Variants in ASIC2 observed in about 807,000 individuals in gnomAD.
The protein encoded by ASIC2 is acid-sensing ion channel 2.
Under a neutral mutation model 57.3 loss-of-function variants are expected in ASIC2, and 25 were observed. That is an observed-to-expected ratio of 0.44 (90% CI 0.32 to 0.61). The LOEUF is 0.61. ASIC2 is among the 20% of genes least tolerant of loss of function. The probability of loss-of-function intolerance (pLI) is 0.06; values close to 1 mark genes in which losing one functional copy is unlikely to be tolerated. For synonymous variants in ASIC2, 319 were observed against 307.5 expected (o/e 1.04, Z -0.39); for missense variants, 641 against 738.1 (o/e 0.87, Z 1.52).
At chr17:33,149,441 C>T (rs1254318801) in intron 1 of ASIC2, among the ~76,000 whole-genome samples, 2 of 152,142 alleles carry the variant, frequency 1.3e-5, no homozygotes, top group Non-Finnish European at 2.9e-5. Context: ...AATTTATGTA[C>T]TCATTACATA....
chr17:33,866,372 C>G (rs1433987726), intron 1 of ASIC2, among the ~76,000 whole-genome samples: 1 of 152,068 alleles, frequency 6.6e-6, no homozygotes, highest in Non-Finnish European at 1.5e-5. Flanking sequence ...GAATTATATT[C>G]CATTGTATGG....
chr17:34,090,755 G>C (rs1021446453), intron 1 of ASIC2, among the ~76,000 whole-genome samples: 4 of 152,122 alleles, frequency 2.6e-5, no homozygotes, highest in African/African-American at 9.7e-5. Flanking sequence ...TTCTGGGCTG[G>C]GACCCCAAAA....
At chr17:33,626,251 A>G (rs1905979748) in intron 1 of ASIC2, among the ~76,000 whole-genome samples, 1 of 152,222 alleles carries the variant, frequency 6.6e-6, no homozygotes, top group Admixed American at 6.5e-5. Context: ...GTATGGAAAA[A>G]AAAGGACTAG....
intron 1 of ASIC2, among the ~76,000 whole-genome samples, chr17:33,318,389 G>C (rs1233242018): frequency 6.6e-6 from 1 of 152,190 alleles, no homozygotes; most frequent in Admixed American, 6.5e-5. Flanking sequence ...CTGCAGAGCT[G>C]TGATGAGGAT....
intron 1 of ASIC2, among the ~76,000 whole-genome samples, chr17:33,666,327 C>T (rs771887420): frequency 7.9e-5 from 12 of 152,088 alleles, no homozygotes; most frequent in Non-Finnish European, 1.0e-4. Flanking sequence ...AATTAAGAAA[C>T]GGGCAGAGTT....
intron 1 of ASIC2, among the ~76,000 whole-genome samples, chr17:33,895,842 A>T (rs1259909243): frequency 2.0e-5 from 3 of 152,024 alleles, no homozygotes; most frequent in Non-Finnish European, 2.9e-5. Flanking sequence ...AAGAACATGG[A>T]CTCTAGGTCC....
intron 1 of ASIC2, among the ~76,000 whole-genome samples, chr17:33,411,529 T>G (rs543248120): frequency 1.3e-5 from 2 of 152,144 alleles, no homozygotes; most frequent in Non-Finnish European, 2.9e-5. Context: ...GAAGAGAAGC[T>G]GGCAAGGAAG....
chr17:33,643,594 G>A (rs1009487045), intron 1 of ASIC2, among the ~76,000 whole-genome samples: 6 of 152,176 alleles, frequency 3.9e-5, no homozygotes, highest in African/African-American at 1.4e-4. Context: ...ATCATGATTA[G>A]GAGAGTCGAA....
intron 1 of ASIC2, among the ~76,000 whole-genome samples, chr17:33,715,188 G>A (rs1266013795): frequency 1.3e-5 from 2 of 151,878 alleles, no homozygotes; most frequent in Non-Finnish European, 1.5e-5. Flanking sequence ...TTTTAATAGA[G>A]ACAGGGTCTC....
intron 1 of ASIC2, among the ~76,000 whole-genome samples, chr17:33,349,292 A>G (rs1908069779): frequency 6.6e-6 from 1 of 152,224 alleles, no homozygotes; most frequent in African/African-American, 2.4e-5. Flanking sequence ...GACCAAATAA[A>G]ACATGTGTGA....
intron 1 of ASIC2, among the ~76,000 whole-genome samples, chr17:33,305,007 C>T (rs1337835076): frequency 6.6e-6 from 1 of 151,840 alleles, no homozygotes; most frequent in Admixed American, 6.6e-5. Context: ...TTCAGTTGAG[C>T]GGCAGTATAA....
At chr17:33,524,005 C>T (rs1410520131) in intron 1 of ASIC2, among the ~76,000 whole-genome samples, 1 of 152,196 alleles carries the variant, frequency 6.6e-6, no homozygotes, top group African/African-American at 2.4e-5. Context: ...CAGTCATACA[C>T]TCAGGGGTCA....
At chr17:33,437,343 G>C (rs931776537) in intron 1 of ASIC2, among the ~76,000 whole-genome samples, 4 of 152,186 alleles carry the variant, frequency 2.6e-5, no homozygotes, top group Non-Finnish European at 5.9e-5. Context: ...ATGCACACTT[G>C]AGTGATAAAA....
intron 1 of ASIC2, among the ~76,000 whole-genome samples, chr17:33,613,120 G>A (rs546599815): frequency 4.0e-4 from 61 of 152,216 alleles, no homozygotes; most frequent in African/African-American, 1.3e-3. Context: ...ACTAGTGTGC[G>A]AATATGTTGT....
chr17:33,847,666 T>G (rs1326182326), intron 1 of ASIC2, among the ~76,000 whole-genome samples: 5 of 152,204 alleles, frequency 3.3e-5, no homozygotes, highest in Non-Finnish European at 7.3e-5. Context: ...TTGAGAGTCT[T>G]CTGCATGCCA....
chr17:33,308,985 T>C (rs1906294827), intron 1 of ASIC2, among the ~76,000 whole-genome samples: 1 of 152,218 alleles, frequency 6.6e-6, no homozygotes, highest in African/African-American at 2.4e-5. Flanking sequence ...CAGATTTCTC[T>C]GATTCCAGGC....
At chr17:33,372,446 AG>A (rs375348730) in intron 1 of ASIC2, among the ~76,000 whole-genome samples, 5 of 152,264 alleles carry the variant, frequency 3.3e-5, no homozygotes, top group African/African-American at 1.2e-4. Context: ...ACAAAGCAGC[AG>A]GTAAGAAAGG....
At chr17:33,951,883 C>T (rs992023104) in intron 1 of ASIC2, among the ~76,000 whole-genome samples, 4 of 152,008 alleles carry the variant, frequency 2.6e-5, no homozygotes, top group African/African-American at 9.7e-5. Context: ...TGTGAGCCAC[C>T]CTGCCTGGTC....
chr17:33,793,514 T>C (rs1242327555), intron 1 of ASIC2: 1 of 152,194 alleles, frequency 6.6e-6, no homozygotes, highest in Non-Finnish European at 1.5e-5. Flanking sequence ...AGAATCAAAC[T>C]CAAGCCAATC....
Sources: allele counts gnomAD v4.1 joint callset (sites outside exome capture counted in the v4.1 genomes callset), GRCh38; gene constraint gnomAD v4.1.1; transcripts MANE v1.5; gene names NCBI Gene and HGNC (gene_info 2026-07-23, HGNC 2026-07-21).